The following MBD5 variants were observed in gnomAD, a reference collection of about 807,000 sequenced individuals.
MBD5 encodes methyl-CpG-binding domain protein 5.
MBD5 carries 13 observed loss-of-function variants against 117.3 expected under a neutral mutation model. The ratio of observed to expected loss-of-function variants is 0.11; its 90% confidence interval spans 0.07 to 0.18. The LOEUF is 0.18. MBD5 is among the 10% of genes least tolerant of loss of function. The probability of loss-of-function intolerance (pLI) is 1.00; values close to 1 mark genes in which losing one functional copy is unlikely to be tolerated. For synonymous variants in MBD5, 727 were observed against 766.4 expected (o/e 0.95, Z 0.85); for missense variants, 1,879 against 2,093.8 (o/e 0.90, Z 2.00).
chr2:148,339,443 A>G (rs141624128), intron 3 of MBD5, among the ~76,000 whole-genome samples: 57 of 152,204 alleles, frequency 3.7e-4, no homozygotes, highest in African/African-American at 1.3e-3. Flanking sequence ...TATGTTTTCC[A>G]CATTTCTTCT....
intron 1 of MBD5, among the ~76,000 whole-genome samples, chr2:148,169,959 G>T (rs888977622): frequency 1.3e-5 from 2 of 150,676 alleles, no homozygotes; most frequent in Non-Finnish European, 2.9e-5. Context: ...GTGCAGTGGC[G>T]CGATCTCGGC....
intron 1 of MBD5, among the ~76,000 whole-genome samples, chr2:148,159,372 C>T (rs1697951626): frequency 6.6e-6 from 1 of 152,090 alleles, no homozygotes; most frequent in Non-Finnish European, 1.5e-5. Flanking sequence ...GGCTGGAGTG[C>T]AGTGGTACGA....
intron 4 of MBD5, among the ~76,000 whole-genome samples, chr2:148,398,549 T>G (rs1704809303): frequency 1.3e-5 from 2 of 152,372 alleles, no homozygotes; most frequent in East Asian, 1.9e-4. Flanking sequence ...ATTCTGGGTA[T>G]TAGCCCTTTG....
intron 3 of MBD5, among the ~76,000 whole-genome samples, chr2:148,292,514 G>T (rs954991032): frequency 1.3e-5 from 2 of 152,164 alleles, no homozygotes; most frequent in Admixed American, 1.3e-4. Context: ...AGACTACAAT[G>T]AGATATCCTC....
chr2:148,166,879 AT>A (rs569250084), intron 1 of MBD5, among the ~76,000 whole-genome samples: 9 of 150,196 alleles, frequency 6.0e-5, no homozygotes, highest in East Asian at 3.9e-4. Flanking sequence ...TACTAATTGC[AT>A]TTTTTTTTGT....
At chr2:148,415,668 A>G (rs1355361819) in intron 4 of MBD5, among the ~76,000 whole-genome samples, 1 of 151,832 alleles carries the variant, frequency 6.6e-6, no homozygotes, top group African/African-American at 2.4e-5. Context: ...ATTCTTTTTT[A>G]TTATTTTTTA....
chr2:148,459,963 A>T (rs1301842568), intron 5 of MBD5, among the ~76,000 whole-genome samples: 1 of 152,138 alleles, frequency 6.6e-6, no homozygotes, highest in Non-Finnish European at 1.5e-5. Context: ...GAAAGCAGAG[A>T]ATATGAAGCT....
chr2:148,295,467 T>G (rs12615722), intron 3 of MBD5, among the ~76,000 whole-genome samples: 28,526 of 152,174 alleles, frequency 0.19, 3,656 homozygotes, highest in East Asian at 0.54. Context: ...TCCCTGCATT[T>G]CTATTTCTTG....
chr2:148,445,101 G>T (rs1446781003), intron 4 of MBD5, among the ~76,000 whole-genome samples: 1 of 150,794 alleles, frequency 6.6e-6, no homozygotes, highest in Non-Finnish European at 1.5e-5. Flanking sequence ...GTCCTGCTCT[G>T]GTTCAAAATC....
At chr2:148,218,248 G>A (rs1041613065) in intron 2 of MBD5, among the ~76,000 whole-genome samples, 9 of 152,112 alleles carry the variant, frequency 5.9e-5, no homozygotes, top group Non-Finnish European at 1.3e-4. Flanking sequence ...GTTCTTGGTA[G>A]GGGGTAAGTC....
At chr2:148,502,240 T>A (rs1681893719) in intron 11 of MBD5, among the ~76,000 whole-genome samples, 196 bp from the exon 12 acceptor site, 1 of 152,222 alleles carries the variant, frequency 6.6e-6, no homozygotes, top group African/African-American at 2.4e-5. Flanking sequence ...GCTTTTCACT[T>A]CCACTGATGC....
intron 3 of MBD5, among the ~76,000 whole-genome samples, chr2:148,245,257 G>A (rs1008420430): frequency 4.0e-5 from 6 of 149,926 alleles, no homozygotes; most frequent in Non-Finnish European, 5.9e-5. Flanking sequence ...ACAGAGTCTC[G>A]CACTGTTGCC....
At chr2:148,503,778 A>C (rs1248094629) in intron 12 of MBD5, among the ~76,000 whole-genome samples, 2 of 152,224 alleles carry the variant, frequency 1.3e-5, no homozygotes, top group South Asian at 2.1e-4. Flanking sequence ...CTTGCTATGC[A>C]GAGCTTAGCA....
chr2:148,479,723 T>TC (rs1681086922), intron 8 of MBD5, among the ~76,000 whole-genome samples: 1 of 150,902 alleles, frequency 6.6e-6, no homozygotes, highest in Non-Finnish European at 1.5e-5. Context: ...CTTTGTTGTT[T>TC]TTTTTTTTTT....
chr2:148,440,021 G>A (rs1706271869), intron 4 of MBD5, among the ~76,000 whole-genome samples: 1 of 152,108 alleles, frequency 6.6e-6, no homozygotes, highest in Admixed American at 6.6e-5. Context: ...TTACAGGAGT[G>A]AGCCACCGCA....
intron 3 of MBD5, among the ~76,000 whole-genome samples, chr2:148,265,519 T>A (rs1205391631): frequency 6.8e-6 from 1 of 146,390 alleles, no homozygotes; most frequent in Non-Finnish European, 1.5e-5. Flanking sequence ...TACAGTTTTC[T>A]GTCATAAACA....
At chr2:148,158,046 AT>A (rs201399883) in intron 1 of MBD5, among the ~76,000 whole-genome samples, 5 of 152,184 alleles carry the variant, frequency 3.3e-5, no homozygotes, top group African/African-American at 9.7e-5. Flanking sequence ...ATCTCAAATT[AT>A]TTTTTAATAA....
In MBD5 at chr2:148,327,833, C is replaced by T. The variant is rs185978837; in HGVS notation, c.-679-14381C>T. Among the ~76,000 whole-genome samples, 48 of 152,342 alleles carry T rather than the reference C, an allele frequency of 3.2e-4. No homozygotes were observed. In the East Asian group the frequency reaches 6.9e-3, roughly 22 times the overall value. Reference sequence around the variant, plus strand: ...TAATTTGATCGTCTGAAGCCTTCTTCTCTCAGCTCGTCAAAGTCATCTCCG... The same window carrying T: ...TAATTTGATCGTCTGAAGCCTTCTTTTCTCAGCTCGTCAAAGTCATCTCCG... On this transcript the variant is annotated intron_variant, in intron 3 of 13. Transcript: ENST00000642680.
At chr2:148,085,476 G>A (rs999888026) in intron 1 of MBD5, among the ~76,000 whole-genome samples, 9 of 152,058 alleles carry the variant, frequency 5.9e-5, no homozygotes, top group Non-Finnish European at 5.9e-5. Context: ...TGTAATCCCA[G>A]CACTTTGGGA....
Sources: gnomAD v4.1 joint callset for allele counts (sites outside exome capture counted in the v4.1 genomes callset) on GRCh38, gnomAD v4.1.1 for gene constraint, MANE v1.5 for transcripts, NCBI Gene and HGNC (gene_info 2026-07-23, HGNC 2026-07-21) for gene names.